PDE6C: variants seen among roughly 807,000 people sequenced by gnomAD.
PDE6C encodes phosphodiesterase 6C.
A neutral mutation model predicts 113.1 loss-of-function variants in PDE6C; 75 were observed. That is an observed-to-expected ratio of 0.66 (90% CI 0.55 to 0.80). PDE6C has a LOEUF of 0.80. PDE6C is among the 30% of genes least tolerant of loss of function. The pLI, the probability that PDE6C is intolerant of heterozygous loss-of-function variation, is 0.00. For synonymous variants in PDE6C, 375 were observed against 363.7 expected (o/e 1.03, Z -0.35); for missense variants, 912 against 1,038.6 (o/e 0.88, Z 1.67).
chr10:93,651,980 C>A (rs1252659729), intron 15 of PDE6C, among the ~76,000 whole-genome samples: 2 of 151,978 alleles, frequency 1.3e-5, no homozygotes, highest in African/African-American at 2.4e-5. Context: ...ACTTACTAAA[C>A]AAACAAAAAA....
At chr10:93,647,774 A>C (rs1178563492) in intron 15 of PDE6C, among the ~76,000 whole-genome samples, 1 of 152,210 alleles carries the variant, frequency 6.6e-6, no homozygotes, top group Non-Finnish European at 1.5e-5. Context: ...AACCCTTTTA[A>C]TTCTGATATG....
rs374898557 is a variant in PDE6C, at chr10:93,626,647, A to C, written c.947A>C (p.Asn316Thr). ...ATCCTCTTTCTTTCTTAGGAAGTCA[A>C]CTTTTATAAAATCATTGATTACATT... ...GPKTPDGREVNFYKIIDYILH... is the reference protein window; with the variant it reads ...GPKTPDGREVTFYKIIDYILH... Residue 316 changes from asparagine (N) to threonine (T), a missense_variant, in exon 6 of 22, where the codon AAC (asparagine) becomes ACC (threonine). Coordinates refer to ENST00000371447, the MANE Select transcript of PDE6C (RefSeq NM_006204.4). The C allele has an allele frequency of 2.2e-5, 34 of 1,543,474 alleles. No individual in the cohort carries two copies. The highest frequency in any genetic ancestry group is 3.0e-5 in the Non-Finnish European group (33 of 1,116,164).
In PDE6C at chr10:93,620,669, G is replaced by C; in HGVS notation, c.518G>C (p.Gly173Ala). The change falls in exon 2 of 22, where the codon GGG becomes GCG. Residue 173 changes from glycine (G) to alanine (A), a missense_variant. Transcript: ENST00000371447. ...TCTGACTTCATGGACAAGCAAACTGGGTATGTCACTAAGAACCTGCTGGCA... is the reference window on the plus strand; with the variant it reads ...TCTGACTTCATGGACAAGCAAACTGCGTATGTCACTAAGAACCTGCTGGCA... ...HFSDFMDKQTGYVTKNLLATP... is the reference protein window; with the variant it reads ...HFSDFMDKQTAYVTKNLLATP... 1 of 1,614,116 alleles carries C rather than the reference G, an allele frequency of 6.2e-7. No homozygotes were observed. Among genetic ancestry groups the C allele is most frequent in the South Asian group, 1.1e-5 (1 of 91,072 alleles).
chr10:93,648,926 G>A (rs1345344403), intron 15 of PDE6C, among the ~76,000 whole-genome samples: 1 of 152,134 alleles, frequency 6.6e-6, no homozygotes, highest in African/African-American at 2.4e-5. Flanking sequence ...AAATGTGAAG[G>A]AGAAATCAAA....
intron 9 of PDE6C, 146 bp from the exon 10 acceptor site, chr10:93,635,351 T>C (rs1213701665): frequency 7.6e-6 from 5 of 660,798 alleles, no homozygotes; most frequent in Non-Finnish European, 1.3e-5. Flanking sequence ...CTGAAGCTGA[T>C]TATTAGTATG....
intron 16 of PDE6C, 27 bp downstream of exon 16, chr10:93,655,887 A>T (rs1483804342): frequency 9.1e-7 from 1 of 1,102,550 alleles, no homozygotes. Context: ...GCACAGTGGA[A>T]TGCCCTATAC....
chr10:93,665,750 G>A lies in PDE6C; in HGVS notation c.*332G>A. On this transcript the variant is annotated 3_prime_UTR_variant, in exon 22 of 22. Transcript: ENST00000371447. Reference sequence around the variant, plus strand: ...GCTATAACAAAGTACCACAGACTGGGTGCTTAACCAATAGAAATGTATTTT... The same window carrying A: ...GCTATAACAAAGTACCACAGACTGGATGCTTAACCAATAGAAATGTATTTT... 1 of 312,764 alleles carries A rather than the reference G, an allele frequency of 3.2e-6. No individual in the cohort carries two copies. Among genetic ancestry groups the A allele is most frequent in the South Asian group, 3.0e-5 (1 of 33,022 alleles). 19.4% of individuals were successfully genotyped at this position (312,764 alleles called of 1,614,324 possible). A position where few individuals can be genotyped will look rare whatever the true frequency, so the allele number is the denominator to read the frequency against.
chr10:93,635,749 C>A, intron 10 of PDE6C, 109 bp downstream of exon 10: 1 of 1,166,730 alleles, frequency 8.6e-7, no homozygotes, highest in South Asian at 1.3e-5. Flanking sequence ...TACTCCTGGG[C>A]TGAGAGAGAG....
intron 8 of PDE6C, among the ~76,000 whole-genome samples, chr10:93,633,571 C>T (rs1023793793): frequency 2.6e-5 from 4 of 152,040 alleles, no homozygotes; most frequent in African/African-American, 9.7e-5. Context: ...GTGCCTGCAT[C>T]CCTCGACTAG....
chr10:93,657,977 C>T, intron 16 of PDE6C, among the ~76,000 whole-genome samples: 1 of 151,692 alleles, frequency 6.6e-6, no homozygotes, highest in South Asian at 2.1e-4. Flanking sequence ...TTGAGACCAG[C>T]CTGGGCAACA....
At chr10:93,628,252 T>A (rs11187558) in intron 7 of PDE6C, among the ~76,000 whole-genome samples, 23,835 of 152,048 alleles carry the variant, frequency 0.16, 2,739 homozygotes, top group African/African-American at 0.33. Context: ...TTTTTTTTTT[T>A]AAGTATGAAC....
chr10:93,614,459 A>C (rs942554957), intron 1 of PDE6C, among the ~76,000 whole-genome samples: 3 of 152,200 alleles, frequency 2.0e-5, no homozygotes, highest in Non-Finnish European at 4.4e-5. Flanking sequence ...GCCTGACTGC[A>C]GCTGCTTCAA....
chr10:93,623,880 T>C (rs1196938736), intron 4 of PDE6C, among the ~76,000 whole-genome samples: 1 of 152,208 alleles, frequency 6.6e-6, no homozygotes, highest in Non-Finnish European at 1.5e-5. Context: ...AGTCAGGTAG[T>C]GTCAGCTTTT....
intron 4 of PDE6C, among the ~76,000 whole-genome samples, chr10:93,623,239 T>G (rs768885035): frequency 2.6e-5 from 4 of 152,238 alleles, no homozygotes; most frequent in Non-Finnish European, 2.9e-5. Flanking sequence ...TCTTCTCATA[T>G]GTTTACTTGC....
chr10:93,627,311 A>T (rs1323500938), intron 7 of PDE6C, among the ~76,000 whole-genome samples: 1 of 147,262 alleles, frequency 6.8e-6, no homozygotes, highest in Admixed American at 6.8e-5. Flanking sequence ...TTGGCATAGG[A>T]CAAAGGAGAG....
intron 4 of PDE6C, among the ~76,000 whole-genome samples, chr10:93,623,964 A>C (rs377013342): frequency 3.3e-5 from 5 of 152,074 alleles, no homozygotes; most frequent in African/African-American, 9.7e-5. Context: ...AAATGAGGAC[A>C]TCTCTCTTAT....
At chr10:93,657,902 G>T (rs1375660594) in intron 16 of PDE6C, among the ~76,000 whole-genome samples, 2 of 152,084 alleles carry the variant, frequency 1.3e-5, no homozygotes, top group Non-Finnish European at 2.9e-5. Context: ...TGAGTGAGGT[G>T]GCTCATGCCT....
At position 93,662,604 on chromosome 10, in the gene PDE6C, A is replaced by G. The variant is rs535651916; in HGVS notation, c.2328A>G (p.Gln776=). Residue 776 remains glutamine (Q), a synonymous_variant, in exon 20 of 22, where the codon CAA becomes CAG. Transcript: ENST00000371447. Reference sequence around the variant, plus strand: ...AAAGAGATGAATTACCTAAACTTCAAGTTGGATTTATTGATTTTGTTTGTA... The same window carrying G: ...AAAGAGATGAATTACCTAAACTTCAGGTTGGATTTATTGATTTTGTTTGTA... The part of the protein sequence containing the change: ...RNKRDELPKL[Q]VGFIDFVCTF... The G allele has an allele frequency of 1.3e-6, 2 of 1,499,344 alleles. No individual in the cohort carries two copies. Among genetic ancestry groups the G allele is most frequent in the Non-Finnish European group, 1.9e-6 (2 of 1,075,390 alleles). The allele number at this position is 1,499,344 out of a possible 1,614,324, so 92.9% of individuals were successfully genotyped here. A position where few individuals can be genotyped will look rare whatever the true frequency, so the allele number is the denominator to read the frequency against.
intron 1 of PDE6C, among the ~76,000 whole-genome samples, chr10:93,613,477 G>A (rs1305750695): frequency 6.6e-6 from 1 of 152,172 alleles, no homozygotes; most frequent in African/African-American, 2.4e-5. Context: ...TTTATCAGGT[G>A]ATCCTACCTG....
Sources: allele counts gnomAD v4.1 joint callset (sites outside exome capture counted in the v4.1 genomes callset), GRCh38; gene constraint gnomAD v4.1.1; transcripts MANE v1.5; gene names NCBI Gene and HGNC (gene_info 2026-07-23, HGNC 2026-07-21).